The following CAMTA1 variants were observed in gnomAD, a reference collection of about 807,000 sequenced individuals.
CAMTA1 encodes calmodulin-binding transcription activator 1.
A neutral mutation model predicts 170.9 loss-of-function variants in CAMTA1; 27 were observed. The ratio of observed to expected loss-of-function variants is 0.16; its 90% CI spans 0.12 to 0.22. The LOEUF (loss-of-function observed/expected upper bound fraction) is 0.22, where lower values mean the gene tolerates loss of function less well. Ranked by LOEUF, CAMTA1 falls within the 10% of genes least tolerant of loss-of-function variation. The pLI, the probability that CAMTA1 is intolerant of heterozygous loss-of-function variation, is 1.00. For missense variants in CAMTA1, 1,619 were observed against 2,217.2 expected, an observed-to-expected ratio of 0.73 and a Z score of 5.42; for synonymous variants, 833 against 891.5, an observed-to-expected ratio of 0.93 and a Z score of 1.17.
chr1:7,726,962 G>A (rs2096692264), intron 11 of CAMTA1, among the ~76,000 whole-genome samples: 1 of 152,094 alleles, frequency 6.6e-6, no homozygotes, highest in Non-Finnish European at 1.5e-5. Flanking sequence ...GAGTAGTTCA[G>A]CTGCTTCACT....
chr1:6,805,274 C>T (rs930090916), intron 1 of CAMTA1, among the ~76,000 whole-genome samples: 2 of 152,158 alleles, frequency 1.3e-5, no homozygotes, highest in African/African-American at 4.8e-5. Context: ...TCCCTAGTGA[C>T]TAATGATGTT....
chr1:7,578,684 T>A (rs2095226876), intron 6 of CAMTA1, among the ~76,000 whole-genome samples: 2 of 152,198 alleles, frequency 1.3e-5, no homozygotes, highest in South Asian at 4.1e-4. Context: ...TGAATCCCAC[T>A]GATCTAGAGG....
At chr1:6,915,710 C>T (rs936360379) in intron 3 of CAMTA1, among the ~76,000 whole-genome samples, 1 of 152,204 alleles carries the variant, frequency 6.6e-6, no homozygotes, top group Non-Finnish European at 1.5e-5. Context: ...GGTTTCCAGC[C>T]CTGTCAGCCA....
At position 6,795,149 on chromosome 1, in the gene CAMTA1, A is replaced by G. The variant is rs922092072; in HGVS notation, c.45+9574A>G. On this transcript the variant is annotated intron_variant, in intron 1 of 22. Coordinates refer to ENST00000303635, the MANE Select transcript of CAMTA1 (RefSeq NM_015215.4). ...TACTTATTTAGAGACACAACTAGTC[A>G]TCACCTGTAACAAATGTGACTTCTT... Among the ~76,000 whole-genome samples the G allele has an allele frequency of 3.3e-5, 5 of 152,156 alleles. No individual in the cohort carries two copies. The East Asian group carries it at 7.7e-4, about 23-fold the overall frequency.
chr1:7,614,438 ACT>A (rs960714877), intron 6 of CAMTA1, among the ~76,000 whole-genome samples: 10 of 151,238 alleles, frequency 6.6e-5, no homozygotes, highest in African/African-American at 2.2e-4. Flanking sequence ...GCCAGAACTG[ACT>A]CTCTTCTGGA....
chr1:7,420,363 C>T (rs1211158855), intron 5 of CAMTA1, among the ~76,000 whole-genome samples: 1 of 152,140 alleles, frequency 6.6e-6, no homozygotes, highest in Non-Finnish European at 1.5e-5. Context: ...GCTTTTCTTA[C>T]CATGTACAGT....
chr1:6,945,850 G>A (rs1687483988), intron 3 of CAMTA1, among the ~76,000 whole-genome samples: 1 of 152,194 alleles, frequency 6.6e-6, no homozygotes, highest in South Asian at 2.1e-4. Context: ...CCTTTTTATT[G>A]CTGGATAACA....
At chr1:6,801,015 G>T (rs1643731672) in intron 1 of CAMTA1, among the ~76,000 whole-genome samples, 1 of 152,174 alleles carries the variant, frequency 6.6e-6, no homozygotes, top group African/African-American at 2.4e-5. Flanking sequence ...TTTCTTGATA[G>T]AGGCTGTTGT....
intron 3 of CAMTA1, among the ~76,000 whole-genome samples, chr1:7,035,620 A>G (rs1014881466): frequency 3.3e-5 from 5 of 152,202 alleles, no homozygotes; most frequent in Admixed American, 2.6e-4. Flanking sequence ...CAATACAGTG[A>G]AAAAGGCAAA....
intron 4 of CAMTA1, among the ~76,000 whole-genome samples, chr1:7,140,664 A>C (rs1275223134): frequency 6.6e-6 from 1 of 152,324 alleles, no homozygotes; most frequent in Admixed American, 6.5e-5. Flanking sequence ...AAAAGAAAAA[A>C]AAAGCTATCT....
rs1475191930 is a variant in CAMTA1, at chr1:7,681,078, A to G, written c.2914+3345A>G. Reference sequence around the variant, plus strand: ...GGGCGTGGAGATGGGGGAAGGTGGGAGGAGGAATCGCAGCCTTCTGGATCC... The same window carrying G: ...GGGCGTGGAGATGGGGGAAGGTGGGGGGAGGAATCGCAGCCTTCTGGATCC... On this transcript the variant is annotated intron_variant, in intron 11 of 22. Coordinates refer to ENST00000303635, the MANE Select transcript of CAMTA1 (RefSeq NM_015215.4). This position sits in a 1 kb window ranked among gnomAD's most constrained non-coding sequence, Gnocchi z 4.6. 1.3e-5 allele frequency among the ~76,000 whole-genome samples: 2 copies of G among 152,092 alleles called. No homozygotes were observed. The highest frequency in any genetic ancestry group is 2.9e-5 in the Non-Finnish European group (2 of 67,994).
intron 4 of CAMTA1, among the ~76,000 whole-genome samples, chr1:7,180,439 A>C (rs1651877176): frequency 6.6e-6 from 1 of 151,846 alleles, no homozygotes; most frequent in Non-Finnish European, 1.5e-5. Context: ...AGGAAGCTTA[A>C]AGCTTAAATA....
At chr1:7,623,767 G>A (rs1452928871) in intron 6 of CAMTA1, among the ~76,000 whole-genome samples, 1 of 152,194 alleles carries the variant, frequency 6.6e-6, no homozygotes, top group Non-Finnish European at 1.5e-5. Context: ...CGAGGTGCTG[G>A]GATTACAGAA....
At chr1:7,095,730 G>C (rs558198397) in intron 4 of CAMTA1, among the ~76,000 whole-genome samples, 1 of 152,174 alleles carries the variant, frequency 6.6e-6, no homozygotes, top group Non-Finnish European at 1.5e-5. Context: ...CAGCCAGAAG[G>C]GTGTTCTACA....
In CAMTA1 at chr1:7,534,890, G is replaced by C. The variant is rs2094531242; in HGVS notation, c.510+66989G>C. Among the ~76,000 whole-genome samples, 1 of 152,036 alleles carries C rather than the reference G, an allele frequency of 6.6e-6. No individual in the cohort carries two copies. The highest frequency in any genetic ancestry group is 2.4e-5 in the African/African-American group (1 of 41,390). ...GGTTTGCCTTTTGCCTGGTACAGAT[G>C]ACTCTGTCTCGATTTTGAAAAAGAT... is the stretch of plus-strand genomic sequence containing the variant. On this transcript the variant is annotated intron_variant, in intron 6 of 22. Coordinates refer to ENST00000303635, the MANE Select transcript of CAMTA1 (RefSeq NM_015215.4). The surrounding 1 kb of genome is among the most constrained non-coding windows in gnomAD (Gnocchi z 5.6).
chr1:7,378,026 C>A (rs2086978532), intron 5 of CAMTA1, among the ~76,000 whole-genome samples: 1 of 152,120 alleles, frequency 6.6e-6, no homozygotes, highest in Non-Finnish European at 1.5e-5. Flanking sequence ...CAAGAAGGCG[C>A]CATAGAGACA....
At chr1:7,128,343 T>A (rs1202407206) in intron 4 of CAMTA1, among the ~76,000 whole-genome samples, 1 of 152,154 alleles carries the variant, frequency 6.6e-6, no homozygotes, top group Admixed American at 6.5e-5. Flanking sequence ...CTGGGGATGG[T>A]CTTGGGGTTC....
chr1:7,603,563 A>G (rs2095463281), intron 6 of CAMTA1, among the ~76,000 whole-genome samples: 1 of 151,706 alleles, frequency 6.6e-6, no homozygotes, highest in Non-Finnish European at 1.5e-5. Context: ...CTTTCTTTTG[A>G]GCCTATGTGT....
At chr1:7,131,498 G>A (rs911075431) in intron 4 of CAMTA1, among the ~76,000 whole-genome samples, 4 of 150,626 alleles carry the variant, frequency 2.7e-5, no homozygotes, top group Admixed American at 2.0e-4. Flanking sequence ...TGTGGTGTGA[G>A]ATGAGGGTCA....
Sources: gnomAD v4.1 joint callset for allele counts (sites outside exome capture counted in the v4.1 genomes callset) on GRCh38, gnomAD v4.1.1 for gene constraint, Gnocchi (gnomAD v3.1) non-coding constraint, MANE v1.5 for transcripts, NCBI Gene and HGNC (gene_info 2026-07-23, HGNC 2026-07-21) for gene names.